The following HAUS6 variants were observed in gnomAD, a reference collection of about 807,000 sequenced individuals.
HAUS6 encodes the protein HAUS augmin like complex subunit 6.
In HAUS6, 80 loss-of-function variants were observed where a neutral mutation model predicts 106.8. That is an observed-to-expected ratio of 0.75 (90% CI 0.63 to 0.90). The LOEUF (loss-of-function observed/expected upper bound fraction) is 0.90. Ranked by LOEUF, HAUS6 falls within the 40% of genes least tolerant of loss-of-function variation. HAUS6 has a pLI of 0.00. For synonymous variants in HAUS6, 356 were observed against 379.1 expected, an observed-to-expected ratio of 0.94 and a Z score of 0.71; for missense variants, 1,155 against 1,118.1, an observed-to-expected ratio of 1.03 and a Z score of -0.47.
chr9:19,065,668 C>T (rs1836747203), intron 12 of HAUS6, among the ~76,000 whole-genome samples: 2 of 151,942 alleles, frequency 1.3e-5, no homozygotes. Context: ...TGATGAAACC[C>T]CATATCTACT....
At chr9:19,093,661 G>A (rs1446914508) in intron 3 of HAUS6, among the ~76,000 whole-genome samples, 2 of 152,174 alleles carry the variant, frequency 1.3e-5, no homozygotes, top group African/African-American at 4.8e-5. Flanking sequence ...TGGAGGTCAG[G>A]AGTTCAAGAC....
chr9:19,090,656 C>A (rs1024550668), intron 4 of HAUS6, among the ~76,000 whole-genome samples: 2 of 152,182 alleles, frequency 1.3e-5, no homozygotes, highest in African/African-American at 2.4e-5. Flanking sequence ...AGCCACCTCG[C>A]CCAGCCATAG....
In HAUS6 at chr9:19,102,732, G is replaced by T. The variant is rs894063900; in HGVS notation, c.-81C>A. Reference sequence around the variant, plus strand: ...GAGGGCCCTCAAGATCCCTCCCTACGGTCAGCCTGAGGTCGCGGTGGTCCT... The same window carrying T: ...GAGGGCCCTCAAGATCCCTCCCTACTGTCAGCCTGAGGTCGCGGTGGTCCT... On this transcript the variant is annotated 5_prime_UTR_variant, in exon 1 of 17. Coordinates refer to ENST00000380502, the MANE Select transcript of HAUS6 (RefSeq NM_017645.5). The T allele has an allele frequency of 2.4e-5, 35 of 1,435,986 alleles. No homozygotes were observed. The highest frequency in any genetic ancestry group is 1.0e-4 in the South Asian group (8 of 76,672). 89.0% of individuals were successfully genotyped at this position (1,435,986 alleles called of 1,614,324 possible). A position where few individuals can be genotyped will look rare whatever the true frequency, so the allele number is the denominator to read the frequency against.
chr9:19,072,202 A>AG (rs1417558400), intron 11 of HAUS6, among the ~76,000 whole-genome samples: 1 of 151,056 alleles, frequency 6.6e-6, no homozygotes, highest in Non-Finnish European at 1.5e-5. Context: ...AAAAAAAAAA[A>AG]GAAAAGAAAA....
rs1363551385 is a variant in HAUS6 at position 19,102,877 on chromosome 9, A to C, written c.-226T>G. 1 of 412,346 alleles carries C rather than the reference A, an allele frequency of 2.4e-6. No individual in the cohort carries two copies. The highest frequency in any genetic ancestry group is 2.1e-5 in the African/African-American group (1 of 48,322). 25.5% of individuals were successfully genotyped at this position (412,346 alleles called of 1,614,324 possible). A position where few individuals can be genotyped will look rare whatever the true frequency, so the allele number is the denominator to read the frequency against. The stretch of plus-strand genomic sequence containing the variant: ...CGGCCACCACTGCCTCAGCGAAGCC[A>C]CCACAAACCGAGACTCCCGCCCTTA... On this transcript the variant is annotated 5_prime_UTR_variant, in exon 1 of 17. Transcript: ENST00000380502.
At position 19,070,375 on chromosome 9, in the gene HAUS6, G is replaced by A. The variant is rs150375733; in HGVS notation, c.1295-75C>T. 5.2e-4 allele frequency: 432 copies of A among 833,338 alleles called. 1 individual carries two copies. The African/African-American group carries it at 6.5e-3, about 13-fold the overall frequency. The allele number at this position is 833,338 out of a possible 1,614,324, so 51.6% of individuals were successfully genotyped here. Reference sequence around the variant, plus strand: ...AACATTCAAGGATTCCTTGAAATTCGAGAACAACTTGTAAACAGAAGAAAA... The same window carrying A: ...AACATTCAAGGATTCCTTGAAATTCAAGAACAACTTGTAAACAGAAGAAAA... On this transcript the variant is annotated intron_variant, in intron 11 of 16. Transcript: ENST00000380502.
intron 2 of HAUS6, among the ~76,000 whole-genome samples, chr9:19,095,953 G>A (rs1041282267): frequency 6.6e-6 from 1 of 152,096 alleles, no homozygotes; most frequent in Non-Finnish European, 1.5e-5. Context: ...AGATAGCCGT[G>A]TAGACAAAAC....
chr9:19,063,383 T>C (rs927242048), intron 13 of HAUS6, 131 bp downstream of exon 13: 3 of 650,432 alleles, frequency 4.6e-6, no homozygotes, highest in Non-Finnish European at 7.9e-6. Flanking sequence ...TAAGTAGATA[T>C]GGTACAAAAT....
intron 2 of HAUS6, among the ~76,000 whole-genome samples, chr9:19,095,665 A>T (rs1817846104): frequency 6.6e-6 from 1 of 152,164 alleles, no homozygotes; most frequent in Non-Finnish European, 1.5e-5. Context: ...CAAAAATGAA[A>T]ATAATGCCCT....
Position 19,101,082 on chromosome 9 carries a change from A to C in HAUS6, c.128+1442T>G, listed in dbSNP as rs185154007. On this transcript the variant is annotated intron_variant, in intron 1 of 16. Transcript: ENST00000380502. ...ATTGTGTATTTTAAAATAGCTAGAAAAGAACTGAAATGTTTCCAACACAAA... is the reference window on the plus strand; with the variant it reads ...ATTGTGTATTTTAAAATAGCTAGAACAGAACTGAAATGTTTCCAACACAAA... Among the ~76,000 whole-genome samples the C allele has an allele frequency of 1.2e-4, 19 of 152,374 alleles. No homozygotes were observed. In the East Asian group the frequency reaches 3.7e-3, roughly 29 times the overall value.
chr9:19,099,211 G>A (rs891900714), intron 1 of HAUS6, among the ~76,000 whole-genome samples: 1 of 150,084 alleles, frequency 6.7e-6, no homozygotes, highest in Non-Finnish European at 1.5e-5. Context: ...CTGTCCCCCA[G>A]GCTGGAGTGC....
intron 4 of HAUS6, among the ~76,000 whole-genome samples, chr9:19,092,234 A>G (rs1817765936): frequency 6.6e-6 from 1 of 151,920 alleles, no homozygotes. Flanking sequence ...AGGCAGGAAG[A>G]CTGCCTGAGC....
rs555664227 is a variant in HAUS6, at chr9:19,089,251, A to G, written c.584+161T>C. Reference sequence around the variant, plus strand: ...GGGTGACAGAACCAGACCCTGTCTCAGATAGGGAAAAAAAAAAAGAAGAAG... The same window carrying G: ...GGGTGACAGAACCAGACCCTGTCTCGGATAGGGAAAAAAAAAAAGAAGAAG... On this transcript the variant is annotated intron_variant, in intron 5 of 16. Transcript: ENST00000380502. Among the ~76,000 whole-genome samples the G allele has an allele frequency of 3.4e-4, 51 of 150,638 alleles. 1 individual carries two copies. In the South Asian group the frequency reaches 0.01, roughly 31 times the overall value.
intron 2 of HAUS6, among the ~76,000 whole-genome samples, chr9:19,096,331 G>A (rs966349341): frequency 8.5e-5 from 13 of 152,182 alleles, no homozygotes; most frequent in Non-Finnish European, 1.6e-4. Context: ...TTGGGAGGCC[G>A]AGGCAGGTGG....
rs1836516711 is a variant in HAUS6, at chr9:19,058,092, A to G, written c.2675T>C (p.Ile892Thr). 4 of 1,614,004 alleles carry G rather than the reference A, an allele frequency of 2.5e-6. No individual in the cohort carries two copies. The highest frequency in any genetic ancestry group is 2.7e-5 in the African/African-American group (2 of 74,914). ...GATGGACGTGCGTAAAGATGGCTTT[A>G]TATGCTCAGTATGCAAATCACAGGT... ...LDTCDLHTEH[I>T]KPSLRTSIGE... The change falls in exon 16 of 17, where the codon ATA becomes ACA. Residue 892 changes from isoleucine to threonine, a missense_variant. By Grantham distance (89) the Ile-to-Thr change is moderately conservative. Transcript: ENST00000380502.
Position 19,058,473 on chromosome 9 carries a change from G to T in HAUS6, c.2294C>A (p.Ser765Tyr), listed in dbSNP as rs527919595. 6.3e-7 allele frequency: 1 copy of T among 1,591,498 alleles called. No homozygotes were observed. Among genetic ancestry groups the T allele is most frequent in the African/African-American group, 1.4e-5 (1 of 72,382 alleles). The part of the protein sequence containing the change: ...NSFQISSGIS[S>Y]KSFKDNDFGI... ...AAAATCATTATCTTTAAAACTCTTA[G>T]AACTAATTCCACTTGATATCTGAAA... Residue 765 changes from serine to tyrosine, a missense_variant, in exon 16 of 17, where the codon TCT (serine) becomes TAT (tyrosine). By Grantham distance (144) the Ser-to-Tyr change is moderately radical. This residue lies in a region of HAUS6 where 380 missense variants were observed against 394.8 expected (regional missense o/e 0.96). Coordinates refer to ENST00000380502, the MANE Select transcript of HAUS6 (RefSeq NM_017645.5).
At chr9:19,065,655 A>G (rs2131107713) in intron 12 of HAUS6, among the ~76,000 whole-genome samples, 1 of 152,230 alleles carries the variant, frequency 6.6e-6, no homozygotes, top group Middle Eastern at 3.4e-3. Context: ...AGCCTCGCCA[A>G]CATGATGAAA....
chr9:19,058,781 G>T lies in HAUS6; in HGVS notation c.1986C>A (p.Cys662Ter), dbSNP rs149757913. Residue 662 changes from cysteine (C) to a stop codon, truncating the protein, a stop_gained, in exon 16 of 17, where the codon TGC (cysteine) becomes TGA (stop). Transcript: ENST00000380502. LOFTEE classifies it high-confidence loss of function. ...HLTEEKVISD[C>*]ECVPQKHVLT... ...GCACATGTTTCTGAGGCACACACTC[G>T]CAATCTGAAATAACTTTCTCTTCAG... The T allele has an allele frequency of 1.9e-6, 3 of 1,614,128 alleles. No homozygotes were observed. The highest frequency in any genetic ancestry group is 2.5e-6 in the Non-Finnish European group (3 of 1,179,996).
chr9:19,061,517 A>ACCTCATGTT (rs1368531333), intron 14 of HAUS6, among the ~76,000 whole-genome samples: 1 of 152,028 alleles, frequency 6.6e-6, no homozygotes, highest in Non-Finnish European at 1.5e-5. Flanking sequence ...ATGAAACTAG[A>ACCTCATGTT]CCTCATGTTA....
Sources: allele counts gnomAD v4.1 joint callset (sites outside exome capture counted in the v4.1 genomes callset), GRCh38; gene constraint gnomAD v4.1.1; regional missense constraint gnomAD v4.1.1; transcripts MANE v1.5; gene names NCBI Gene and HGNC (gene_info 2026-07-23, HGNC 2026-07-21).